Variants in SHTN1 observed in about 807,000 individuals in gnomAD.
The protein encoded by SHTN1 is shootin-1.
A neutral mutation model predicts 83.1 loss-of-function variants in SHTN1; 42 were observed. The observed-to-expected ratio is 0.51, with a 90% CI of 0.39 to 0.65. SHTN1 has a LOEUF of 0.65. Ranked by LOEUF, SHTN1 falls within the 30% of genes least tolerant of loss-of-function variation. SHTN1 has a pLI of 0.00. For missense variants in SHTN1, 622 were observed against 737.8 expected, an observed-to-expected ratio of 0.84 and a Z score of 1.82; for synonymous variants, 224 against 247.7, an observed-to-expected ratio of 0.90 and a Z score of 0.90.
upstream of SHTN1, among the ~76,000 whole-genome samples, chr10:117,007,677 T>A (rs959458869): frequency 2.6e-5 from 4 of 151,390 alleles, no homozygotes; most frequent in African/African-American, 9.7e-5. Flanking sequence ...CCCATTACAC[T>A]ATTGTTTATT....
chr10:116,925,597 T>A (rs915523080), intron 11 of SHTN1, among the ~76,000 whole-genome samples: 2 of 152,178 alleles, frequency 1.3e-5, no homozygotes, highest in Non-Finnish European at 2.9e-5. Flanking sequence ...TGTATTTATA[T>A]CTGCCTATAT....
chr10:117,114,288 A>C (rs1232851329), intron 1 of SHTN1, among the ~76,000 whole-genome samples: 1 of 152,212 alleles, frequency 6.6e-6, no homozygotes, highest in Non-Finnish European at 1.5e-5. Context: ...TAATTTATTT[A>C]GTCAATAAAT....
chr10:116,984,335 G>A (rs548683770), intron 1 of SHTN1, among the ~76,000 whole-genome samples: 4 of 152,268 alleles, frequency 2.6e-5, no homozygotes, highest in South Asian at 4.1e-4. Context: ...TCAAGTGCTC[G>A]ATAGCCACAT....
At chr10:116,950,894 T>C (rs1849752799) in intron 6 of SHTN1, among the ~76,000 whole-genome samples, 1 of 152,194 alleles carries the variant, frequency 6.6e-6, no homozygotes, top group Non-Finnish European at 1.5e-5. Flanking sequence ...TGACAATATG[T>C]GTGTGCAAAC....
At chr10:117,004,542 A>G (rs941450006) in intron 1 of SHTN1, among the ~76,000 whole-genome samples, 3 of 152,150 alleles carry the variant, frequency 2.0e-5, no homozygotes, top group Middle Eastern at 3.2e-3. Context: ...TGGGCAAGGA[A>G]AGAGGAACTA....
rs994694862 is a variant in SHTN1, at chr10:116,883,369, G to C, written c.*2975C>G. 2.6e-5 allele frequency: 4 copies of C among 152,182 alleles called. No individual in the cohort carries two copies. The highest frequency in any genetic ancestry group is 9.6e-5 in the African/African-American group (4 of 41,454). The allele number at this position is 152,182 out of a possible 1,614,324, so 9.4% of individuals were successfully genotyped here. On this transcript the variant is annotated 3_prime_UTR_variant, in exon 17 of 17. Coordinates refer to ENST00000355371, the MANE Select transcript of SHTN1 (RefSeq NM_001127211.3). The stretch of plus-strand genomic sequence containing the variant: ...AGTCACATACCAAATTAAAATGACT[G>C]TGGGATAGGGACATGTTAGTGCTTG...
rs369681652 is a variant in SHTN1 at position 117,053,189 on chromosome 10, G to C, written c.-188-4679C>G. Reference sequence around the variant, plus strand: ...GAAGAAAGAATAGTAATGATCTTTAGAATCTTCAGATTAGAAATGATTTCA... The same window carrying C: ...GAAGAAAGAATAGTAATGATCTTTACAATCTTCAGATTAGAAATGATTTCA... On this transcript the variant is annotated intron_variant, in intron 1 of 17. Transcript: ENST00000392901. Among the ~76,000 whole-genome samples, 3 of 151,492 alleles carry C rather than the reference G, an allele frequency of 2.0e-5. No individual in the cohort carries two copies. In the East Asian group the frequency reaches 5.8e-4, roughly 29 times the overall value.
At chr10:117,016,822 C>T (rs1852187844) in intron 2 of SHTN1, among the ~76,000 whole-genome samples, 1 of 152,108 alleles carries the variant, frequency 6.6e-6, no homozygotes. Context: ...TCAGTATGAA[C>T]TCATGTTGAT....
chr10:117,063,810 C>T (rs977116030), intron 1 of SHTN1, among the ~76,000 whole-genome samples: 15 of 152,158 alleles, frequency 9.9e-5, no homozygotes, highest in African/African-American at 3.4e-4. Flanking sequence ...ACACCATTCA[C>T]CTGGCAATTT....
intron 1 of SHTN1, among the ~76,000 whole-genome samples, chr10:117,078,258 C>G (rs999917383): frequency 6.6e-6 from 1 of 152,150 alleles, no homozygotes; most frequent in African/African-American, 2.4e-5. Context: ...AAAGCACAAT[C>G]GAAGACACGC....
intron 1 of SHTN1, among the ~76,000 whole-genome samples, chr10:116,984,707 C>T (rs1851164436): frequency 6.6e-6 from 1 of 152,146 alleles, no homozygotes; most frequent in South Asian, 2.1e-4. Flanking sequence ...ATGACAAAAC[C>T]CTCCTATCTA....
At chr10:117,100,032 C>T (rs960306500) in intron 1 of SHTN1, among the ~76,000 whole-genome samples, 16 of 152,036 alleles carry the variant, frequency 1.1e-4, no homozygotes, top group Non-Finnish European at 2.2e-4. Flanking sequence ...ATAAAATTAG[C>T]CAGGCATGGT....
intron 12 of SHTN1, among the ~76,000 whole-genome samples, chr10:116,916,091 G>C (rs938152527): frequency 6.6e-6 from 1 of 152,106 alleles, no homozygotes; most frequent in African/African-American, 2.4e-5. Flanking sequence ...AGTGTTAAAA[G>C]AAAATATACA....
chr10:117,035,284 G>T (rs925461726), intron 2 of SHTN1, among the ~76,000 whole-genome samples: 2 of 152,158 alleles, frequency 1.3e-5, no homozygotes, highest in Admixed American at 6.5e-5. Flanking sequence ...ATATCCATAT[G>T]CAGAAGAATG....
intron 4 of SHTN1, among the ~76,000 whole-genome samples, chr10:116,957,125 T>A (rs1402794880): frequency 6.6e-6 from 1 of 152,016 alleles, no homozygotes; most frequent in Non-Finnish European, 1.5e-5. Context: ...ATTTGAACAT[T>A]TTTGAGAATT....
At chr10:117,124,089 C>T (rs1203839523) in intron 1 of SHTN1, among the ~76,000 whole-genome samples, 1 of 151,472 alleles carries the variant, frequency 6.6e-6, no homozygotes, top group Admixed American at 6.6e-5. Flanking sequence ...TGCATGCCTG[C>T]AGTCCCAGCT....
intron 4 of SHTN1, among the ~76,000 whole-genome samples, chr10:116,956,381 T>C (rs1849979242): frequency 6.6e-6 from 1 of 152,184 alleles, no homozygotes; most frequent in African/African-American, 2.4e-5. Flanking sequence ...CTAATCCTTA[T>C]GTTTCAGTTT....
intron 1 of SHTN1, among the ~76,000 whole-genome samples, chr10:117,062,916 G>A (rs545691456): frequency 2.0e-5 from 3 of 152,090 alleles, no homozygotes; most frequent in Admixed American, 2.0e-4. Context: ...CAAGGCATAG[G>A]TAATTACATG....
At chr10:117,037,860 G>C (rs1328493928) in intron 2 of SHTN1, among the ~76,000 whole-genome samples, 1 of 151,536 alleles carries the variant, frequency 6.6e-6, no homozygotes, top group Non-Finnish European at 1.5e-5. Flanking sequence ...ACAAAAATTA[G>C]CTGGGTGTGG....
Sources: gnomAD v4.1 joint callset for allele counts (sites outside exome capture counted in the v4.1 genomes callset) on GRCh38, gnomAD v4.1.1 for gene constraint, MANE v1.5 for transcripts, NCBI Gene and HGNC (gene_info 2026-07-23, HGNC 2026-07-21) for gene names.